Variants in TRPC5 observed in about 807,000 individuals in gnomAD.
The protein encoded by TRPC5 is short transient receptor potential channel 5.
In TRPC5, 9 loss-of-function variants were observed where a neutral mutation model predicts 56.5. That is an observed-to-expected ratio of 0.16 (90% CI 0.10 to 0.28). The LOEUF is 0.28. Among genes scored for constraint, TRPC5 ranks in the 10% least tolerant of loss-of-function variants. TRPC5 has a pLI of 1.00. For synonymous variants in TRPC5, 282 were observed against 278.5 expected (o/e 1.01, Z -0.13); for missense variants, 469 against 748.9 (o/e 0.63, Z 4.36).
chrX:112,081,239 T>C, intron 1 of TRPC5, among the ~76,000 whole-genome samples: 1 of 112,134 alleles, frequency 8.9e-6, no homozygotes, highest in Non-Finnish European at 1.9e-5. Context: ...TGACCATTTG[T>C]CCGAGTCGAT....
intron 7 of TRPC5, among the ~76,000 whole-genome samples, chrX:111,820,494 A>G (rs1921998406): frequency 8.9e-6 from 1 of 112,352 alleles, no homozygotes; most frequent in South Asian, 3.7e-4. Context: ...AATAAAAATA[A>G]TATTTTTGAC....
intron 1 of TRPC5, among the ~76,000 whole-genome samples, chrX:112,060,197 A>G (rs1930430363): frequency 1.8e-5 from 2 of 111,799 alleles, no homozygotes. Context: ...ACTCCCAGTT[A>G]TCTCCTACCC....
chrX:111,907,789 A>C (rs1033540674), intron 3 of TRPC5, among the ~76,000 whole-genome samples: 1 of 111,404 alleles, frequency 9.0e-6, no homozygotes, highest in East Asian at 2.8e-4. Context: ...ATATAATGTG[A>C]TAAAATAAAG....
intron 1 of TRPC5, among the ~76,000 whole-genome samples, chrX:112,058,419 C>A (rs929111769): frequency 8.9e-6 from 1 of 112,243 alleles, no homozygotes; most frequent in Admixed American, 9.5e-5. Flanking sequence ...CTACTGTCCC[C>A]TAACAGCTGG....
intron 7 of TRPC5, among the ~76,000 whole-genome samples, chrX:111,785,360 G>A (rs1041104643): frequency 8.9e-6 from 1 of 112,041 alleles, no homozygotes; most frequent in South Asian, 3.7e-4. Context: ...GATGGGAATA[G>A]CATCAACATC....
In TRPC5 at chrX:112,016,193, T is replaced by C. The variant is rs550152342; in HGVS notation, c.-21-63752A>G. On this transcript the variant is annotated intron_variant, in intron 1 of 10. Transcript: ENST00000262839. ...ATGATGAGGTTGGGAGGAAATTGGT[T>C]AGTGATTCTGTTTGCTTAGAATGAC... Among the ~76,000 whole-genome samples, 4 of 111,575 alleles carry C rather than the reference T, an allele frequency of 3.6e-5. No homozygotes were observed. In the South Asian group the frequency reaches 1.5e-3, roughly 43 times the overall value.
At chrX:111,909,212 C>T (rs758222241) in intron 3 of TRPC5, among the ~76,000 whole-genome samples, 25 of 105,662 alleles carry the variant, frequency 2.4e-4, no homozygotes, top group African/African-American at 8.6e-4. Context: ...CGCCTGTAGT[C>T]CCAACTACTA....
intron 1 of TRPC5, among the ~76,000 whole-genome samples, chrX:112,026,425 C>A (rs1195329239): frequency 8.9e-6 from 1 of 112,194 alleles, no homozygotes; most frequent in Non-Finnish European, 1.9e-5. Context: ...GGTTTTCAAG[C>A]ATTTTGTTTT....
At chrX:111,922,546 T>G (rs146156210) in intron 2 of TRPC5, among the ~76,000 whole-genome samples, 2,853 of 112,361 alleles carry the variant, frequency 0.025, 99 homozygotes, top group African/African-American at 0.087. Flanking sequence ...ATCTAATCAG[T>G]TCACATTACC....
chrX:112,013,126 TTTG>T (rs202012786), intron 1 of TRPC5, among the ~76,000 whole-genome samples: 11 of 99,985 alleles, frequency 1.1e-4, no homozygotes, highest in South Asian at 4.3e-4. Flanking sequence ...TAGTGTAGAT[TTTG>T]TTGTTGTTGT....
At chrX:112,042,865 A>G (rs16986748) in intron 1 of TRPC5, among the ~76,000 whole-genome samples, 13,330 of 110,101 alleles carry the variant, frequency 0.12, 686 homozygotes, top group African/African-American at 0.16. Flanking sequence ...TCTGACCTTC[A>G]ATCCTACCAG....
intron 7 of TRPC5, among the ~76,000 whole-genome samples, chrX:111,807,956 C>CTCTCTGTGTGTGTGTGTGTG (rs905386723): frequency 1.1e-5 from 1 of 91,927 alleles, no homozygotes; most frequent in African/African-American, 5.0e-5. Context: ...CTCTCTCTCT[C>CTCTCTGTGTGTGTGTGTGTG]TGTGTGTGTG....
intron 1 of TRPC5, among the ~76,000 whole-genome samples, chrX:112,070,470 C>T (rs1482995371): frequency 1.8e-5 from 2 of 111,182 alleles, no homozygotes; most frequent in Non-Finnish European, 3.8e-5. Flanking sequence ...CCTATCCATG[C>T]CCCATAACAG....
intron 5 of TRPC5, among the ~76,000 whole-genome samples, chrX:111,850,877 A>G (rs765156045): frequency 2.7e-5 from 3 of 112,170 alleles, no homozygotes; most frequent in East Asian, 5.6e-4. Flanking sequence ...TCCTGTTTAA[A>G]CAAAACCCAC....
intron 2 of TRPC5, among the ~76,000 whole-genome samples, chrX:111,928,220 A>G (rs766072169): frequency 1.6e-3 from 177 of 111,704 alleles, no homozygotes; most frequent in African/African-American, 5.4e-3. Flanking sequence ...GCCAGGATTA[A>G]ATTACTGGGT....
chrX:112,047,503 G>A (rs1930074216), intron 1 of TRPC5, among the ~76,000 whole-genome samples: 1 of 111,809 alleles, frequency 8.9e-6, no homozygotes, highest in African/African-American at 3.3e-5. Context: ...GCTTTATGCT[G>A]TGGTGTATAG....
In TRPC5 at chrX:111,772,872, A is replaced by G. The variant is rs1444359706; in HGVS notation, c.*3441T>C. 1.8e-5 allele frequency among the ~76,000 whole-genome samples: 2 copies of G among 111,528 alleles called. No individual in the cohort carries two copies. Among genetic ancestry groups the G allele is most frequent in the Non-Finnish European group, 3.8e-5 (2 of 53,141 alleles). ...ACACGAGATTCACCCATGATGTAAC[A>G]TGAATGCCAATGGTCATTTGTATTT... On this transcript the variant is annotated 3_prime_UTR_variant, in exon 11 of 11. Transcript: ENST00000262839.
At chrX:111,838,518 T>G in intron 6 of TRPC5, among the ~76,000 whole-genome samples, 1 of 111,331 alleles carries the variant, frequency 9.0e-6, no homozygotes. Context: ...TGGAAAGACT[T>G]GTTGACAAAC....
chrX:112,073,131 C>A (rs192627474), intron 1 of TRPC5, among the ~76,000 whole-genome samples: 1 of 111,925 alleles, frequency 8.9e-6, no homozygotes, highest in Non-Finnish European at 1.9e-5. Flanking sequence ...TCTCTTTTTG[C>A]CTTCAATCAT....
Sources: gnomAD v4.1 joint callset for allele counts (sites outside exome capture counted in the v4.1 genomes callset) on GRCh38, gnomAD v4.1.1 for gene constraint, MANE v1.5 for transcripts, NCBI Gene and HGNC (gene_info 2026-07-23, HGNC 2026-07-21) for gene names.